The following LNX2 variants were observed in gnomAD, a reference collection of about 807,000 sequenced individuals.
LNX2 encodes ligand of numb-protein X 2.
LNX2 carries 35 observed loss-of-function variants against 66.2 expected under a neutral mutation model. The ratio of observed to expected loss-of-function variants is 0.53; its 90% CI spans 0.40 to 0.70. LNX2 has a LOEUF of 0.70. Among genes scored for constraint, LNX2 ranks in the 30% least tolerant of loss-of-function variants. The probability of loss-of-function intolerance (pLI) is 0.00; values close to 1 mark genes in which losing one functional copy is unlikely to be tolerated. For missense variants in LNX2, 791 were observed against 850.8 expected (o/e 0.93, Z 0.87); for synonymous variants, 337 against 315.6 (o/e 1.07, Z -0.72).
intron 1 of LNX2, among the ~76,000 whole-genome samples, chr13:27,597,550 C>G (rs752588890): frequency 6.6e-5 from 10 of 152,006 alleles, no homozygotes; most frequent in Non-Finnish European, 1.5e-4. Context: ...GGACTAGGTA[C>G]AGAGAGAAAG....
rs1432117580 is a variant in LNX2 at position 27,546,481 on chromosome 13, G to C, written c.*1854C>G. 1 of 152,146 alleles carries C rather than the reference G, an allele frequency of 6.6e-6. No homozygotes were observed. The highest frequency in any genetic ancestry group is 1.5e-5 in the Non-Finnish European group (1 of 68,026). 9.4% of individuals were successfully genotyped at this position (152,146 alleles called of 1,614,324 possible). A position where few individuals can be genotyped will look rare whatever the true frequency, so the allele number is the denominator to read the frequency against. The stretch of plus-strand genomic sequence containing the variant: ...TGTATGGGCCATTCCACTGTATCTT[G>C]TTATATGTTGATCATACAGTGTAAC... On this transcript the variant is annotated 3_prime_UTR_variant, in exon 10 of 10. Transcript: ENST00000316334.
chr13:27,560,565 G>GTGTGTATGTGTATGTATATATATATA (rs35007288), intron 5 of LNX2, among the ~76,000 whole-genome samples: 1 of 119,970 alleles, frequency 8.3e-6, no homozygotes, highest in Non-Finnish European at 1.7e-5. Flanking sequence ...ATGTATGTGT[G>GTGTGTATGTGTATGTATATATATATA]TATATATATA....
chr13:27,583,903 C>A (rs529313587), intron 1 of LNX2, among the ~76,000 whole-genome samples: 1 of 151,548 alleles, frequency 6.6e-6, no homozygotes, highest in Non-Finnish European at 1.5e-5. Context: ...GCTTTGTGGC[C>A]GGAAATACTT....
chr13:27,571,489 C>T (rs934330682), intron 2 of LNX2, among the ~76,000 whole-genome samples: 5 of 152,028 alleles, frequency 3.3e-5, no homozygotes, highest in South Asian at 2.1e-4. Flanking sequence ...AACCGTGTAT[C>T]GGGGAATGGG....
chr13:27,612,426 C>T (rs1217433252), intron 1 of LNX2, among the ~76,000 whole-genome samples: 1 of 152,240 alleles, frequency 6.6e-6, no homozygotes, highest in East Asian at 1.9e-4. Context: ...TTAAGGACAA[C>T]TTCTTCAGGA....
chr13:27,554,404 C>T (rs1459425511), intron 7 of LNX2, among the ~76,000 whole-genome samples: 1 of 152,132 alleles, frequency 6.6e-6, no homozygotes, highest in Non-Finnish European at 1.5e-5. Flanking sequence ...CCATCATTTC[C>T]CTTCCCCAAC....
intron 1 of LNX2, among the ~76,000 whole-genome samples, chr13:27,587,134 G>C (rs1012245158): frequency 6.6e-6 from 1 of 152,168 alleles, no homozygotes; most frequent in Non-Finnish European, 1.5e-5. Context: ...TGAGCTAAGA[G>C]TTACCACTGA....
intron 1 of LNX2, among the ~76,000 whole-genome samples, chr13:27,585,233 G>A (rs1955470811): frequency 6.6e-6 from 1 of 151,938 alleles, no homozygotes; most frequent in African/African-American, 2.4e-5. Context: ...AGACCATCCT[G>A]GCTAACACAG....
At chr13:27,603,078 C>T (rs1195880715) in intron 1 of LNX2, among the ~76,000 whole-genome samples, 1 of 152,144 alleles carries the variant, frequency 6.6e-6, no homozygotes, top group Non-Finnish European at 1.5e-5. Flanking sequence ...AATAATTATG[C>T]TGTCAAATAT....
chr13:27,551,981 T>C (rs1416470754), intron 8 of LNX2, among the ~76,000 whole-genome samples: 1 of 152,208 alleles, frequency 6.6e-6, no homozygotes, highest in Non-Finnish European at 1.5e-5. Flanking sequence ...GGCTGTTGAA[T>C]ATAGCTTTGC....
chr13:27,583,195 T>C (rs1566124615), intron 1 of LNX2, among the ~76,000 whole-genome samples: 1,919 of 13,790 alleles, frequency 0.14, 312 homozygotes, highest in African/African-American at 0.36. Flanking sequence ...TGTGTGTGTG[T>C]GTGTGTGTGT....
At position 27,583,230 on chromosome 13, in the gene LNX2, GTGTGTGTGT is replaced by G. The variant is rs1955433336; in HGVS notation, c.-100-1436_-100-1428del. On this transcript the variant is annotated intron_variant, in intron 1 of 9. Transcript: ENST00000316334. ...TGTGTGTGTGTGTGTGTGTGTGTGT[GTGTGTGTGT>G]GTGTGTGTGTGTGTGTGCGCGCGTC... 8.3e-5 allele frequency among the ~76,000 whole-genome samples: 2 copies of G among 24,092 alleles called. 1 individual carries two copies. The highest frequency in any genetic ancestry group is 1.6e-4 in the Non-Finnish European group (2 of 12,838). The allele number at this position is 24,092 out of a possible 152,430, so 15.8% of individuals were successfully genotyped here. A position where few individuals can be genotyped will look rare whatever the true frequency, so the allele number is the denominator to read the frequency against.
intron 1 of LNX2, among the ~76,000 whole-genome samples, chr13:27,594,064 C>T (rs752326314): frequency 3.3e-5 from 5 of 152,018 alleles, no homozygotes; most frequent in Non-Finnish European, 4.4e-5. Context: ...AAATGGTGAA[C>T]AAAATTTGGA....
intron 7 of LNX2, among the ~76,000 whole-genome samples, chr13:27,554,775 G>C (rs575681877): frequency 6.6e-6 from 1 of 152,154 alleles, no homozygotes; most frequent in Non-Finnish European, 1.5e-5. Flanking sequence ...ACTATATGAG[G>C]AATCAGTTTA....
intron 4 of LNX2, among the ~76,000 whole-genome samples, chr13:27,564,222 T>G (rs1955176199): frequency 6.6e-6 from 1 of 152,192 alleles, no homozygotes; most frequent in African/African-American, 2.4e-5. Flanking sequence ...TGGGGAATAT[T>G]CTACAACTGG....
At chr13:27,562,031 T>C (rs1337730821) in intron 5 of LNX2, among the ~76,000 whole-genome samples, 2 of 152,208 alleles carry the variant, frequency 1.3e-5, no homozygotes, top group African/African-American at 4.8e-5. Flanking sequence ...GACAGGGAGT[T>C]AAGAGACCAG....
At chr13:27,600,986 A>G (rs182909270) in intron 1 of LNX2, among the ~76,000 whole-genome samples, 1 of 152,276 alleles carries the variant, frequency 6.6e-6, no homozygotes, top group Admixed American at 6.5e-5. Flanking sequence ...TAACCATATT[A>G]CTTGACTGCT....
upstream of LNX2, chr13:27,620,709 A>G (rs1406737328): frequency 6.6e-6 from 1 of 152,178 alleles, no homozygotes; most frequent in Non-Finnish European, 1.5e-5. Context: ...GGCGGGCCAG[A>G]AGGGACCCGT....
chr13:27,587,303 T>C (rs1278569113), intron 1 of LNX2, among the ~76,000 whole-genome samples: 1 of 152,186 alleles, frequency 6.6e-6, no homozygotes, highest in African/African-American at 2.4e-5. Flanking sequence ...CCTTCCCTTC[T>C]GCTCCTGCTG....
Sources: allele counts gnomAD v4.1 joint callset (sites outside exome capture counted in the v4.1 genomes callset), GRCh38; gene constraint gnomAD v4.1.1; transcripts MANE v1.5; gene names NCBI Gene and HGNC (gene_info 2026-07-23, HGNC 2026-07-21).